The following FARS2 variants were observed in gnomAD, a reference collection of about 807,000 sequenced individuals.
The protein encoded by FARS2 is phenylalanine--tRNA ligase, mitochondrial.
In FARS2, 40 loss-of-function variants were observed where a neutral mutation model predicts 46.4. That is an observed-to-expected ratio of 0.86 (90% confidence interval 0.67 to 1.12). The LOEUF is 1.12. Ranked by LOEUF, FARS2 falls within the 50% of genes most tolerant of loss-of-function variation. The pLI is 0.00. For missense variants in FARS2, 513 were observed against 567.9 expected, an observed-to-expected ratio of 0.90 and a Z score of 0.98; for synonymous variants, 234 against 214.9, an observed-to-expected ratio of 1.09 and a Z score of -0.78.
At chr6:5,488,729 AC>A (rs1367457836) in intron 4 of FARS2, among the ~76,000 whole-genome samples, 1 of 152,046 alleles carries the variant, frequency 6.6e-6, no homozygotes, top group African/African-American at 2.4e-5. Flanking sequence ...TGGTAAAATC[AC>A]CCACCTAACT....
chr6:5,377,105 A>C (rs1047738338), intron 2 of FARS2, among the ~76,000 whole-genome samples: 1 of 152,258 alleles, frequency 6.6e-6, no homozygotes, highest in East Asian at 1.9e-4. Flanking sequence ...TAGTTTGCAA[A>C]GAATGGTGAA....
chr6:5,669,148 C>A (rs1778314822), intron 6 of FARS2, among the ~76,000 whole-genome samples: 1 of 152,110 alleles, frequency 6.6e-6, no homozygotes. Flanking sequence ...ATGTTAATTC[C>A]CTTTCTCCTA....
chr6:5,518,965 G>A (rs1428895630), intron 4 of FARS2, among the ~76,000 whole-genome samples: 1 of 152,166 alleles, frequency 6.6e-6, no homozygotes, highest in Non-Finnish European at 1.5e-5. Context: ...GTGAACTGAT[G>A]TAATACTTGA....
At chr6:5,303,090 A>G (rs1768438091) in intron 1 of FARS2, among the ~76,000 whole-genome samples, 1 of 152,210 alleles carries the variant, frequency 6.6e-6, no homozygotes, top group Admixed American at 6.5e-5. Flanking sequence ...TCAAGAGAGT[A>G]ATTCTCCCAA....
At chr6:5,762,945 C>T (rs1405643778) in intron 6 of FARS2, among the ~76,000 whole-genome samples, 1 of 152,144 alleles carries the variant, frequency 6.6e-6, no homozygotes, top group Non-Finnish European at 1.5e-5. Context: ...CAGGACAGAC[C>T]GTTGTGAGAA....
At chr6:5,476,841 G>C (rs1185160941) in intron 4 of FARS2, among the ~76,000 whole-genome samples, 2 of 152,140 alleles carry the variant, frequency 1.3e-5, no homozygotes, top group African/African-American at 4.8e-5. Context: ...GCTGCACCAG[G>C]GGGTTATTGG....
intron 4 of FARS2, among the ~76,000 whole-genome samples, chr6:5,481,776 C>G (rs994001895): frequency 6.7e-6 from 1 of 148,360 alleles, no homozygotes; most frequent in Non-Finnish European, 1.5e-5. Context: ...GACAGGGATA[C>G]TTAGGCGGAT....
chr6:5,652,162 C>T (rs1468811365), intron 6 of FARS2, among the ~76,000 whole-genome samples: 2 of 152,144 alleles, frequency 1.3e-5, no homozygotes, highest in East Asian at 3.9e-4. Context: ...TTCGGTGATA[C>T]AGAGGCAATG....
chr6:5,552,952 A>C (rs1265478023), intron 5 of FARS2, among the ~76,000 whole-genome samples: 2 of 152,216 alleles, frequency 1.3e-5, no homozygotes, highest in East Asian at 1.9e-4. Context: ...ACTTTAATTT[A>C]TACTTTGTTT....
chr6:5,750,093 C>T (rs1761860182), intron 6 of FARS2, among the ~76,000 whole-genome samples: 1 of 152,168 alleles, frequency 6.6e-6, no homozygotes, highest in African/African-American at 2.4e-5. Flanking sequence ...TCCCTGCCCT[C>T]TCCGAGTTAG....
chr6:5,518,822 C>T (rs1448430953), intron 4 of FARS2, among the ~76,000 whole-genome samples: 1 of 151,830 alleles, frequency 6.6e-6, no homozygotes, highest in African/African-American at 2.4e-5. Flanking sequence ...TTGATTTCTG[C>T]TTTTGTTAAT....
chr6:5,652,550 G>A (rs963801491), intron 6 of FARS2, among the ~76,000 whole-genome samples: 2 of 152,246 alleles, frequency 1.3e-5, no homozygotes, highest in Non-Finnish European at 2.9e-5. Flanking sequence ...GGCCCAGTGC[G>A]GCGCAGCCGC....
At chr6:5,693,834 C>T (rs1269920449) in intron 6 of FARS2, among the ~76,000 whole-genome samples, 1 of 152,206 alleles carries the variant, frequency 6.6e-6, no homozygotes, top group African/African-American at 2.4e-5. Flanking sequence ...GCCTTCCTTA[C>T]TGCAGTGTCT....
Position 5,485,501 on chromosome 6 carries a change from G to C in FARS2, c.904+54329G>C, listed in dbSNP as rs553560196. On this transcript the variant is annotated intron_variant, in intron 4 of 6. Transcript: ENST00000274680. ...TTAAGATTTAAAGTGGGGGGGACTG[G>C]GCTTGAAATCCTTTTTCCTGGGGGG... 5.0e-5 allele frequency among the ~76,000 whole-genome samples: 7 copies of C among 140,334 alleles called. No homozygotes were observed. The South Asian group carries it at 1.5e-3, about 29-fold the overall frequency. The allele number at this position is 140,334 out of a possible 152,430, so 92.1% of individuals were successfully genotyped here.
intron 6 of FARS2, among the ~76,000 whole-genome samples, chr6:5,748,313 G>T (rs936825617): frequency 6.6e-6 from 1 of 152,146 alleles, no homozygotes; most frequent in Non-Finnish European, 1.5e-5. Flanking sequence ...TGTGTCTCAG[G>T]GACTCATCTC....
chr6:5,257,537 C>T (rs1317190598), upstream of FARS2, among the ~76,000 whole-genome samples: 2 of 152,190 alleles, frequency 1.3e-5, no homozygotes, highest in Non-Finnish European at 2.9e-5. Flanking sequence ...GGTCCCCAAC[C>T]CATCAGTACT....
At chr6:5,595,107 C>G (rs1774124254) in intron 5 of FARS2, among the ~76,000 whole-genome samples, 1 of 152,144 alleles carries the variant, frequency 6.6e-6, no homozygotes, top group Non-Finnish European at 1.5e-5. Flanking sequence ...TTAATTACTG[C>G]TTTATTAGCC....
chr6:5,475,230 C>T (rs551602834), intron 4 of FARS2, among the ~76,000 whole-genome samples: 1 of 152,266 alleles, frequency 6.6e-6, no homozygotes, highest in South Asian at 2.1e-4. Flanking sequence ...GGTTGAAAGA[C>T]TAGATTTCTT....
At chr6:5,763,767 GGT>G (rs571727390) in intron 6 of FARS2, among the ~76,000 whole-genome samples, 1,372 of 23,436 alleles carry the variant, frequency 0.059, 18 homozygotes, top group East Asian at 0.27. Flanking sequence ...CTTCCCTTTT[GGT>G]TTTTTTTTTT....
Sources: allele counts gnomAD v4.1 joint callset (sites outside exome capture counted in the v4.1 genomes callset), GRCh38; gene constraint gnomAD v4.1.1; transcripts MANE v1.5; gene names NCBI Gene and HGNC (gene_info 2026-07-23, HGNC 2026-07-21).